NLN: variants seen among roughly 807,000 people sequenced by gnomAD.
NLN encodes neurolysin, mitochondrial.
In NLN, 64 loss-of-function variants were observed where a neutral mutation model predicts 79.9. The observed-to-expected ratio is 0.80, with a 90% CI of 0.65 to 0.99. The LOEUF (loss-of-function observed/expected upper bound fraction) is 0.99. Among genes scored for constraint, NLN ranks in the 50% least tolerant of loss-of-function variants. The probability of loss-of-function intolerance (pLI) is 0.00; values close to 1 mark genes in which losing one functional copy is unlikely to be tolerated. For missense variants in NLN, 835 were observed against 858.7 expected, an observed-to-expected ratio of 0.97 and a Z score of 0.34; for synonymous variants, 267 against 296.6, an observed-to-expected ratio of 0.90 and a Z score of 1.02.
chr5:65,748,754 A>T (rs887569219), intron 1 of NLN, among the ~76,000 whole-genome samples: 1 of 152,186 alleles, frequency 6.6e-6, no homozygotes, highest in African/African-American at 2.4e-5. Context: ...CCCTGTCCCA[A>T]AAAGAAAAGA....
In NLN at chr5:65,826,434, A is replaced by T. The variant is rs1368016423; in HGVS notation, c.*3519A>T. On this transcript the variant is annotated 3_prime_UTR_variant, in exon 13 of 13. Transcript: ENST00000380985. ...CTGATTCCTCAAATAGGGTTTAAACATAGTTAACTGAGCCCCCAAAGAATG... is the reference window on the plus strand; with the variant it reads ...CTGATTCCTCAAATAGGGTTTAAACTTAGTTAACTGAGCCCCCAAAGAATG... The T allele has an allele frequency of 6.6e-6, 1 of 152,214 alleles. No individual in the cohort carries two copies. The highest frequency in any genetic ancestry group is 2.4e-5 in the African/African-American group (1 of 41,452). The allele number at this position is 152,214 out of a possible 1,614,324, so 9.4% of individuals were successfully genotyped here. A position where few individuals can be genotyped will look rare whatever the true frequency, so the allele number is the denominator to read the frequency against.
chr5:65,824,454 T>A lies in NLN; in HGVS notation c.*1539T>A, dbSNP rs1160803121. ...TCTCTTCCCACACACTCACTCAATG[T>A]CACCCCCTTCTAATCCCCAAAACTG... On this transcript the variant is annotated 3_prime_UTR_variant, in exon 13 of 13. Coordinates refer to ENST00000380985, the MANE Select transcript of NLN (RefSeq NM_020726.5). 6.6e-6 allele frequency: 1 copy of A among 152,186 alleles called. No individual in the cohort carries two copies. The highest frequency in any genetic ancestry group is 1.5e-5 in the Non-Finnish European group (1 of 68,044). The allele number at this position is 152,186 out of a possible 1,614,324, so 9.4% of individuals were successfully genotyped here. A position where few individuals can be genotyped will look rare whatever the true frequency, so the allele number is the denominator to read the frequency against.
intron 5 of NLN, among the ~76,000 whole-genome samples, 165 bp from the exon 6 acceptor site, chr5:65,781,096 C>A (rs943934527): frequency 6.6e-6 from 1 of 152,164 alleles, no homozygotes; most frequent in African/African-American, 2.4e-5. Context: ...TAACAGCCAC[C>A]CCAATTCCAG....
At chr5:65,810,703 G>A (rs1358280880) in intron 11 of NLN, among the ~76,000 whole-genome samples, 4 of 152,126 alleles carry the variant, frequency 2.6e-5, no homozygotes, top group African/African-American at 7.2e-5. Flanking sequence ...TTTCAGGCCT[G>A]GCATGGTGGC....
chr5:65,736,740 T>G (rs1561179245), intron 1 of NLN, among the ~76,000 whole-genome samples: 1 of 152,234 alleles, frequency 6.6e-6, no homozygotes, highest in Non-Finnish European at 1.5e-5. Context: ...TGAGTTATCT[T>G]TTTCATATTG....
intron 1 of NLN, among the ~76,000 whole-genome samples, chr5:65,736,263 G>A (rs1161781196): frequency 6.6e-6 from 1 of 152,080 alleles, no homozygotes; most frequent in Admixed American, 6.6e-5. Context: ...CATGGATATG[G>A]TTCATTTTTA....
rs954323684 is a variant in NLN at position 65,758,801 on chromosome 5, G to A, written c.276G>A (p.Leu92=). The part of the protein sequence containing the change: ...EVTYENCLQA[L]ADVEVKYIVE... Reference sequence around the variant, plus strand: ...CTTACGAGAACTGTCTGCAGGCACTGGCAGATGTAGAAGTAAAGTATATAG... The same window carrying A: ...CTTACGAGAACTGTCTGCAGGCACTAGCAGATGTAGAAGTAAAGTATATAG... The change falls in exon 2 of 13, where the codon CTG becomes CTA. Residue 92 remains leucine, a synonymous_variant. Transcript: ENST00000380985. 6.2e-7 allele frequency: 1 copy of A among 1,613,588 alleles called. No individual in the cohort carries two copies. The highest frequency in any genetic ancestry group is 1.7e-5 in the Admixed American group (1 of 59,994).
At chr5:65,740,592 A>G (rs1380952444) in intron 1 of NLN, among the ~76,000 whole-genome samples, 2 of 152,000 alleles carry the variant, frequency 1.3e-5, no homozygotes, top group Non-Finnish European at 2.9e-5. Flanking sequence ...ATTTTTGTAT[A>G]TGGGATGAGA....
chr5:65,796,001 G>C (rs1760166531), intron 9 of NLN, among the ~76,000 whole-genome samples: 1 of 152,120 alleles, frequency 6.6e-6, no homozygotes, highest in Non-Finnish European at 1.5e-5. Flanking sequence ...GATTTATGCT[G>C]TGGGTACCTC....
chr5:65,816,429 G>A (rs1040516360), intron 12 of NLN, among the ~76,000 whole-genome samples: 2 of 151,652 alleles, frequency 1.3e-5, no homozygotes, highest in Non-Finnish European at 1.5e-5. Flanking sequence ...GTAACTAATC[G>A]GTACTAGCTT....
At chr5:65,762,128 C>A (rs1040028867) in intron 2 of NLN, among the ~76,000 whole-genome samples, 13 of 152,154 alleles carry the variant, frequency 8.5e-5, no homozygotes, top group African/African-American at 2.4e-4. Context: ...TTAAACCAAA[C>A]TAAATTATCA....
intron 8 of NLN, among the ~76,000 whole-genome samples, chr5:65,790,561 C>T (rs1760035147): frequency 6.6e-6 from 1 of 152,186 alleles, no homozygotes; most frequent in Non-Finnish European, 1.5e-5. Context: ...CTTGTGAGAA[C>T]TCACTCACTA....
chr5:65,828,247 G>A lies in NLN; in HGVS notation c.*5332G>A, dbSNP rs1008994436. 6 of 152,212 alleles carry A rather than the reference G, an allele frequency of 3.9e-5. No individual in the cohort carries two copies. The highest frequency in any genetic ancestry group is 8.8e-5 in the Non-Finnish European group (6 of 68,078). The allele number at this position is 152,212 out of a possible 1,614,324, so 9.4% of individuals were successfully genotyped here. A position where few individuals can be genotyped will look rare whatever the true frequency, so the allele number is the denominator to read the frequency against. On this transcript the variant is annotated 3_prime_UTR_variant, in exon 13 of 13. Coordinates refer to ENST00000380985, the MANE Select transcript of NLN (RefSeq NM_020726.5). ...GAGAACTAAGGCTTTTTAAGAATGT[G>A]TTGATGGAAGTATGTGCCTAGATCA...
chr5:65,788,063 G>T, intron 7 of NLN, 55 bp from the exon 8 acceptor site: 1 of 1,550,714 alleles, frequency 6.4e-7, no homozygotes, highest in South Asian at 1.2e-5. Flanking sequence ...TGGTATTTAT[G>T]AGTATGCTTG....
At chr5:65,726,315 A>G (rs1192743021) in intron 1 of NLN, among the ~76,000 whole-genome samples, 1 of 152,140 alleles carries the variant, frequency 6.6e-6, no homozygotes, top group Non-Finnish European at 1.5e-5. Context: ...ACTTTTTACC[A>G]TTTCATTAAG....
At chr5:65,760,737 A>G (rs1470513119) in intron 2 of NLN, among the ~76,000 whole-genome samples, 1 of 152,028 alleles carries the variant, frequency 6.6e-6, no homozygotes, top group Non-Finnish European at 1.5e-5. Context: ...GGTCTCATGT[A>G]TGTTGCCCAC....
chr5:65,774,409 A>G (rs1249307698), intron 3 of NLN, among the ~76,000 whole-genome samples: 1 of 152,178 alleles, frequency 6.6e-6, no homozygotes, highest in Non-Finnish European at 1.5e-5. Flanking sequence ...GTTAGGAAGG[A>G]AGGTGCAATT....
At chr5:65,747,575 G>T (rs1049380011) in intron 1 of NLN, among the ~76,000 whole-genome samples, 3 of 152,094 alleles carry the variant, frequency 2.0e-5, no homozygotes, top group Non-Finnish European at 4.4e-5. Context: ...ACAATTGGAA[G>T]CCCACCCCTG....
chr5:65,771,208 T>C (rs565391860), intron 3 of NLN, among the ~76,000 whole-genome samples: 45 of 152,302 alleles, frequency 3.0e-4, no homozygotes, highest in African/African-American at 1.1e-3. Context: ...AAACAAGGAC[T>C]TCCTCATCCT....
Sources: allele counts gnomAD v4.1 joint callset (sites outside exome capture counted in the v4.1 genomes callset), GRCh38; gene constraint gnomAD v4.1.1; transcripts MANE v1.5; gene names NCBI Gene and HGNC (gene_info 2026-07-23, HGNC 2026-07-21).